Variants in NDST3 observed in about 807,000 individuals in gnomAD.
NDST3 encodes N-deacetylase and N-sulfotransferase 3.
Under a neutral mutation model 96.1 loss-of-function variants are expected in NDST3, and 58 were observed. That is an observed-to-expected ratio of 0.60 (90% CI 0.49 to 0.75). The LOEUF (loss-of-function observed/expected upper bound fraction) is 0.75, where lower values mean the gene tolerates loss of function less well. Ranked by LOEUF, NDST3 falls within the 30% of genes least tolerant of loss-of-function variation. NDST3 has a pLI of 0.00. For missense variants in NDST3, 788 were observed against 1,034.2 expected, an observed-to-expected ratio of 0.76 and a Z score of 3.27; for synonymous variants, 333 against 359.7, an observed-to-expected ratio of 0.93 and a Z score of 0.84.
chr4:118,217,924 C>T (rs970900421), intron 6 of NDST3, among the ~76,000 whole-genome samples: 11 of 152,054 alleles, frequency 7.2e-5, no homozygotes, highest in African/African-American at 2.4e-5. Flanking sequence ...CACCTCTACA[C>T]AAATAAACTA....
At chr4:118,128,188 T>A (rs763187264) in intron 4 of NDST3, among the ~76,000 whole-genome samples, 17 of 152,172 alleles carry the variant, frequency 1.1e-4, no homozygotes, top group Non-Finnish European at 2.2e-4. Context: ...CTTTCTCTTT[T>A]CTGATTGCTC....
At chr4:118,197,546 C>T (rs1030786698) in intron 6 of NDST3, among the ~76,000 whole-genome samples, 2 of 152,112 alleles carry the variant, frequency 1.3e-5, no homozygotes, top group African/African-American at 4.8e-5. Flanking sequence ...AATTGAACCC[C>T]TTATCATTAT....
intron 6 of NDST3, among the ~76,000 whole-genome samples, chr4:118,191,713 T>C (rs1737318622): frequency 6.6e-6 from 1 of 152,182 alleles, no homozygotes. Flanking sequence ...TAAAAAACAA[T>C]TCAATTATGC....
intron 2 of NDST3, among the ~76,000 whole-genome samples, chr4:118,091,245 C>A (rs1447365488): frequency 6.6e-6 from 1 of 151,618 alleles, no homozygotes; most frequent in East Asian, 1.9e-4. Flanking sequence ...CCACAGCACA[C>A]AATTTACCCA....
At chr4:118,183,271 T>C (rs1455420916) in intron 6 of NDST3, among the ~76,000 whole-genome samples, 1 of 152,216 alleles carries the variant, frequency 6.6e-6, no homozygotes, top group Non-Finnish European at 1.5e-5. Context: ...GTGTCCCAGC[T>C]GCCCCACATT....
chr4:118,092,601 T>C (rs1728967668), intron 2 of NDST3, among the ~76,000 whole-genome samples: 1 of 151,772 alleles, frequency 6.6e-6, no homozygotes, highest in African/African-American at 2.4e-5. Context: ...TTAGTTCCTT[T>C]TTTGGCCCCA....
At chr4:118,127,351 A>T (rs185206532) in intron 4 of NDST3, among the ~76,000 whole-genome samples, 340 of 151,926 alleles carry the variant, frequency 2.2e-3, no homozygotes, top group Non-Finnish European at 3.5e-3. Flanking sequence ...TCTTTAATAT[A>T]TTGGTTTGAT....
intron 6 of NDST3, among the ~76,000 whole-genome samples, chr4:118,168,682 C>T (rs1735721232): frequency 6.6e-6 from 1 of 152,170 alleles, no homozygotes; most frequent in South Asian, 2.1e-4. Flanking sequence ...CTCATATTCA[C>T]TGCAGTATTA....
intron 6 of NDST3, among the ~76,000 whole-genome samples, chr4:118,169,764 A>G (rs1735806717): frequency 6.6e-6 from 1 of 151,214 alleles, no homozygotes; most frequent in Non-Finnish European, 1.5e-5. Context: ...ACTGCACTCC[A>G]GCCTGGGTGA....
chr4:118,044,850 G>C (rs1025476010), intron 1 of NDST3, among the ~76,000 whole-genome samples: 1 of 152,060 alleles, frequency 6.6e-6, no homozygotes, highest in African/African-American at 2.4e-5. Flanking sequence ...AGCCAAACTT[G>C]CTTTTATGAC....
At chr4:118,194,060 G>T in intron 6 of NDST3, 1 of 1,447,270 alleles carries the variant, frequency 6.9e-7, no homozygotes, top group Non-Finnish European at 9.6e-7. Flanking sequence ...TTTCAGCTAG[G>T]CATTTGGTGG....
At position 118,255,532 on chromosome 4, in the gene NDST3, A is replaced by G. The variant is rs957012866; in HGVS notation, c.2503-61A>G. 4.0e-6 allele frequency: 6 copies of G among 1,492,154 alleles called. No individual in the cohort carries two copies. In the Admixed American group the frequency reaches 5.9e-5, roughly 15 times the overall value. The allele number at this position is 1,492,154 out of a possible 1,614,324, so 92.4% of individuals were successfully genotyped here. A position where few individuals can be genotyped will look rare whatever the true frequency, so the allele number is the denominator to read the frequency against. On this transcript the variant is annotated intron_variant, in intron 13 of 13. Transcript: ENST00000296499. ...ACTTGGTACTTATTTCAACGTAGTCAAAGTGTATGAAATGTAATAAACAAA... is the reference window on the plus strand; with the variant it reads ...ACTTGGTACTTATTTCAACGTAGTCGAAGTGTATGAAATGTAATAAACAAA...
chr4:118,093,486 T>C (rs970546881), intron 2 of NDST3, among the ~76,000 whole-genome samples: 1 of 151,918 alleles, frequency 6.6e-6, no homozygotes, highest in Non-Finnish European at 1.5e-5. Flanking sequence ...GATGGGACTA[T>C]AATTCAGTGA....
intron 6 of NDST3, among the ~76,000 whole-genome samples, chr4:118,201,595 T>A (rs1169781752): frequency 1.3e-5 from 2 of 152,220 alleles, no homozygotes; most frequent in Non-Finnish European, 2.9e-5. Context: ...TTGAGAAGTA[T>A]GTGTTCATGT....
intron 6 of NDST3, among the ~76,000 whole-genome samples, chr4:118,172,254 C>G (rs538251620): frequency 6.6e-6 from 1 of 152,148 alleles, no homozygotes; most frequent in Non-Finnish European, 1.5e-5. Context: ...AATTGGGATT[C>G]TGAGATTGCT....
chr4:118,177,340 T>C (rs1007028816), intron 6 of NDST3, among the ~76,000 whole-genome samples: 3 of 152,056 alleles, frequency 2.0e-5, no homozygotes, highest in African/African-American at 7.2e-5. Context: ...GCATCCTCTA[T>C]GCTGTACAGC....
chr4:118,165,790 T>C (rs1735507757), intron 6 of NDST3, among the ~76,000 whole-genome samples: 1 of 151,676 alleles, frequency 6.6e-6, no homozygotes, highest in Non-Finnish European at 1.5e-5. Context: ...ATGTGGAAAT[T>C]AAATAAAACA....
chr4:118,106,704 T>A (rs895513234), intron 3 of NDST3, among the ~76,000 whole-genome samples: 1 of 152,036 alleles, frequency 6.6e-6, no homozygotes, highest in African/African-American at 2.4e-5. Flanking sequence ...GATGGGAGGA[T>A]AACTTGAGCT....
intron 8 of NDST3, among the ~76,000 whole-genome samples, chr4:118,230,034 C>G (rs1740162992): frequency 6.6e-6 from 1 of 152,240 alleles, no homozygotes; most frequent in Admixed American, 6.5e-5. Flanking sequence ...GATGGAAAAA[C>G]TAAGACTCAA....
Sources: allele counts gnomAD v4.1 joint callset (sites outside exome capture counted in the v4.1 genomes callset), GRCh38; gene constraint gnomAD v4.1.1; transcripts MANE v1.5; gene names NCBI Gene and HGNC (gene_info 2026-07-23, HGNC 2026-07-21).